ZNF236: variants seen among roughly 807,000 people sequenced by gnomAD.
ZNF236 encodes the protein zinc finger protein 236, also known as regulated by glucose.
A neutral mutation model predicts 191.2 loss-of-function variants in ZNF236; 50 were observed. The observed-to-expected ratio is 0.26, with a 90% confidence interval of 0.21 to 0.33. The LOEUF (loss-of-function observed/expected upper bound fraction) is 0.33. Among genes scored for constraint, ZNF236 ranks in the 10% least tolerant of loss-of-function variants. The pLI is 1.00. For missense variants in ZNF236, 1,754 were observed against 2,374.5 expected (o/e 0.74, Z 5.43); for synonymous variants, 907 against 928.8 (o/e 0.98, Z 0.43).
In ZNF236 at chr18:76,849,680, C is replaced by T. The variant is rs906212958; in HGVS notation, c.198+12C>T. 11 of 1,540,598 alleles carry T rather than the reference C, an allele frequency of 7.1e-6. No homozygotes were observed. Among genetic ancestry groups the T allele is most frequent in the Non-Finnish European group, 8.7e-6 (10 of 1,146,276 alleles). ...AGCGAAATGACAAGGTATGTATTTT[C>T]AAAGGTGATGTCAGGAATGTGAGCG... is the stretch of plus-strand genomic sequence containing the variant. On this transcript the variant is annotated intron_variant, in intron 2 of 30. Transcript: ENST00000320610.
intron 11 of ZNF236, among the ~76,000 whole-genome samples, chr18:76,903,484 G>A (rs1265574682): frequency 6.6e-6 from 1 of 152,172 alleles, no homozygotes; most frequent in Non-Finnish European, 1.5e-5. Flanking sequence ...GTGTTCAGAG[G>A]TGCATCATGC....
intron 3 of ZNF236, among the ~76,000 whole-genome samples, chr18:76,853,628 G>C (rs958419536): frequency 6.6e-6 from 1 of 152,098 alleles, no homozygotes; most frequent in Admixed American, 6.5e-5. Context: ...TTGGTCAAAG[G>C]CCACAGTATT....
chr18:76,863,762 G>A (rs1029637987), intron 3 of ZNF236, among the ~76,000 whole-genome samples: 3 of 152,008 alleles, frequency 2.0e-5, no homozygotes, highest in Non-Finnish European at 2.9e-5. Flanking sequence ...CTTCAGGAAC[G>A]AAGGAGAAAT....
intron 30 of ZNF236, among the ~76,000 whole-genome samples, chr18:76,962,271 G>A (rs1047507753): frequency 6.6e-6 from 1 of 151,952 alleles, no homozygotes; most frequent in Non-Finnish European, 1.5e-5. Flanking sequence ...TTCTCCTAAC[G>A]TGTGGCTAGC....
intron 2 of ZNF236, among the ~76,000 whole-genome samples, chr18:76,851,263 C>CTTTT (rs775928958): frequency 9.3e-5 from 11 of 117,688 alleles, no homozygotes; most frequent in East Asian, 7.2e-4. Context: ...AGAAAGAAAC[C>CTTTT]TTTTTTTTTT....
chr18:76,934,073 CTAT>C (rs1369971568), intron 25 of ZNF236, among the ~76,000 whole-genome samples: 4 of 152,148 alleles, frequency 2.6e-5, no homozygotes, highest in Non-Finnish European at 4.4e-5. Context: ...ATGTATATGG[CTAT>C]TATTATTTTT....
In ZNF236 at chr18:76,880,336, G is replaced by A. The variant is rs551387439; in HGVS notation, c.1188+20G>A. The A allele has an allele frequency of 2.5e-5, 40 of 1,594,464 alleles. No individual in the cohort carries two copies. In the East Asian group the frequency reaches 5.0e-4, roughly 20 times the overall value. Reference sequence around the variant, plus strand: ...TTACAGGTGAAGCACGCTTCCCTGCGGTGTGAGGCTTACGTGCTCGTGCTG... The same window carrying A: ...TTACAGGTGAAGCACGCTTCCCTGCAGTGTGAGGCTTACGTGCTCGTGCTG... On this transcript the variant is annotated intron_variant, in intron 8 of 30. Transcript: ENST00000320610. The surrounding 1 kb of genome is among the most constrained non-coding windows in gnomAD (Gnocchi z 5.0).
intron 1 of ZNF236, among the ~76,000 whole-genome samples, chr18:76,825,779 T>G (rs1974998224): frequency 6.6e-6 from 1 of 151,684 alleles, no homozygotes; most frequent in African/African-American, 2.4e-5. Context: ...TCTTTTTTTT[T>G]GTTTTGTTTT....
intron 13 of ZNF236, 46 bp downstream of exon 13, chr18:76,905,461 C>A: frequency 6.3e-7 from 1 of 1,587,174 alleles, no homozygotes; most frequent in South Asian, 1.1e-5. Flanking sequence ...TTATAATTTC[C>A]AGTAGATGGT....
chr18:76,918,956 C>G (rs937728627), intron 19 of ZNF236, among the ~76,000 whole-genome samples: 3 of 152,170 alleles, frequency 2.0e-5, no homozygotes, highest in South Asian at 2.1e-4. Context: ...GTGGAAGGCA[C>G]AGATACAGAG....
At chr18:76,844,842 C>G (rs143398992) in intron 1 of ZNF236, among the ~76,000 whole-genome samples, 2 of 152,050 alleles carry the variant, frequency 1.3e-5, no homozygotes, top group African/African-American at 4.8e-5. Context: ...TGGGCCTGAT[C>G]GGGGAAGAAG....
At chr18:76,909,972 A>G in intron 14 of ZNF236, 96 bp from the exon 15 acceptor site, 2 of 832,648 alleles carry the variant, frequency 2.4e-6, no homozygotes. Flanking sequence ...GGTGTCTGAT[A>G]TTTGAAAACT....
rs762126301 is a variant in ZNF236 at position 76,925,692 on chromosome 18, C to G, written c.4027+138C>G. On this transcript the variant is annotated intron_variant, in intron 22 of 30. Transcript: ENST00000320610. This position sits in a 1 kb window ranked among gnomAD's most constrained non-coding sequence, Gnocchi z 5.7. ...TTCTTTGAGCCTTTTCCTTATAAGG[C>G]ATTCGGAAAAATTGGAATTCCGTCT... 1.1e-4 allele frequency: 133 copies of G among 1,263,834 alleles called. No homozygotes were observed. Among genetic ancestry groups the G allele is most frequent in the Middle Eastern group, 2.6e-4 (1 of 3,896 alleles). The allele number at this position is 1,263,834 out of a possible 1,614,324, so 78.3% of individuals were successfully genotyped here.
At chr18:76,847,122 A>G (rs1203335949) in intron 1 of ZNF236, among the ~76,000 whole-genome samples, 1 of 149,932 alleles carries the variant, frequency 6.7e-6, no homozygotes, top group African/African-American at 2.4e-5. Flanking sequence ...TTAAATGTAT[A>G]GTCCGTATCT....
chr18:76,893,584 T>A (rs974278821), intron 9 of ZNF236, among the ~76,000 whole-genome samples: 9 of 152,238 alleles, frequency 5.9e-5, no homozygotes, highest in Non-Finnish European at 1.2e-4. Context: ...TATAGCACAC[T>A]GCAACTCCTA....
intron 22 of ZNF236, among the ~76,000 whole-genome samples, chr18:76,926,342 G>A (rs1434668187): frequency 6.6e-6 from 1 of 152,140 alleles, no homozygotes; most frequent in East Asian, 1.9e-4. Flanking sequence ...GATTTCGCGG[G>A]TGATTAGACA....
chr18:76,968,074 AC>A, intron 30 of ZNF236, 140 bp from the exon 31 acceptor site: 1 of 1,100,824 alleles, frequency 9.1e-7, no homozygotes, highest in Non-Finnish European at 1.3e-6. Context: ...AGCTCAAATT[AC>A]TCTTTTTTCA....
At chr18:76,905,480 T>C in intron 13 of ZNF236, 65 bp downstream of exon 13, 1 of 1,531,138 alleles carries the variant, frequency 6.5e-7, no homozygotes, top group Non-Finnish European at 8.8e-7. Context: ...GTGGGGAGTG[T>C]TTTTAGGAAA....
At chr18:76,849,368 G>A in intron 1 of ZNF236, 158 bp from the exon 2 acceptor site, 2 of 538,866 alleles carry the variant, frequency 3.7e-6, no homozygotes, top group South Asian at 3.3e-5. Flanking sequence ...TTTAAAACAT[G>A]TCAATTAAAA....
Sources: allele counts gnomAD v4.1 joint callset (sites outside exome capture counted in the v4.1 genomes callset), GRCh38; gene constraint gnomAD v4.1.1; non-coding constraint Gnocchi (gnomAD v3.1); transcripts MANE v1.5; gene names NCBI Gene and HGNC (gene_info 2026-07-23, HGNC 2026-07-21).